The following DDX31 variants were observed in gnomAD, a reference collection of about 807,000 sequenced individuals.
The protein encoded by DDX31 is DEAD-box helicase 31.
In DDX31, 70 loss-of-function variants were observed where a neutral mutation model predicts 91.3. The ratio of observed to expected loss-of-function variants is 0.77; its 90% CI spans 0.63 to 0.94. The LOEUF is 0.94. Ranked by LOEUF, DDX31 falls within the 40% of genes least tolerant of loss-of-function variation. The pLI is 0.00. For synonymous variants in DDX31, 362 were observed against 350.6 expected (o/e 1.03, Z -0.36); for missense variants, 902 against 925.0 (o/e 0.98, Z 0.32).
chr9:132,652,995 C>T (rs1337237502), intron 6 of DDX31, among the ~76,000 whole-genome samples: 2 of 152,076 alleles, frequency 1.3e-5, no homozygotes, highest in African/African-American at 4.8e-5. Context: ...CACCCACTAA[C>T]CCCATTATTC....
chr9:132,649,338 A>G (rs1330322803), intron 9 of DDX31, among the ~76,000 whole-genome samples: 1 of 152,214 alleles, frequency 6.6e-6, no homozygotes, highest in Non-Finnish European at 1.5e-5. Flanking sequence ...CAATCACACA[A>G]GCACCTTCAG....
rs760753751 is a variant in DDX31 at position 132,595,722 on chromosome 9, C to G, written c.1995-610G>C. On this transcript the variant is annotated intron_variant, in intron 19 of 19. Coordinates refer to ENST00000372159, the MANE Select transcript of DDX31 (RefSeq NM_022779.9). This position sits in a 1 kb window ranked among gnomAD's most constrained non-coding sequence, Gnocchi z 4.6. ...ACCCAAACCCAGGGCACAGCCTGGT[C>G]AATGTCTGCATCTAGGATTAGACCA... Among the ~76,000 whole-genome samples, 1 of 152,204 alleles carries G rather than the reference C, an allele frequency of 6.6e-6. No homozygotes were observed. The highest frequency in any genetic ancestry group is 1.5e-5 in the Non-Finnish European group (1 of 68,036).
Position 132,648,232 on chromosome 9 carries a change from G to A in DDX31, c.924C>T (p.Cys308=), listed in dbSNP as rs756602444. 4.0e-5 allele frequency: 65 copies of A among 1,613,786 alleles called. 1 individual carries two copies. The highest frequency in any genetic ancestry group is 3.5e-4 in the South Asian group (32 of 91,036). Residue 308 remains cysteine, a synonymous_variant, in exon 11 of 20, where the codon TGC becomes TGT. Coordinates refer to ENST00000372159, the MANE Select transcript of DDX31 (RefSeq NM_022779.9). The part of the protein sequence containing the change: ...TVILNAVNAE[C]QKRQNVLLSA... Reference sequence around the variant, plus strand: ...ATAGCAAGACATTCTGTCGTTTTTGGCATTCAGCATTTACAGCATTAAGTA... The same window carrying A: ...ATAGCAAGACATTCTGTCGTTTTTGACATTCAGCATTTACAGCATTAAGTA...
At chr9:132,639,302 C>T (rs1833336554) in intron 14 of DDX31, among the ~76,000 whole-genome samples, 1 of 152,106 alleles carries the variant, frequency 6.6e-6, no homozygotes, top group South Asian at 2.1e-4. Flanking sequence ...TCTGGCCCAG[C>T]AACCGAGAGA....
intron 6 of DDX31, among the ~76,000 whole-genome samples, chr9:132,652,820 C>T (rs946495319): frequency 2.0e-5 from 3 of 152,144 alleles, no homozygotes; most frequent in Non-Finnish European, 2.9e-5. Context: ...TCTGCTTTTG[C>T]GTCTTCCTCA....
chr9:132,669,645 C>A (rs1564349018), intron 1 of DDX31: 9 of 1,531,094 alleles, frequency 5.9e-6, no homozygotes. Flanking sequence ...CCCTCCACAC[C>A]GCTCCACTCC....
chr9:132,664,716 C>CAA (rs10668095), intron 1 of DDX31, among the ~76,000 whole-genome samples: 19,807 of 97,054 alleles, frequency 0.2, 2,360 homozygotes, highest in South Asian at 0.28. Context: ...GACCCTCGCT[C>CAA]AAAAAAAAAA....
intron 17 of DDX31, among the ~76,000 whole-genome samples, chr9:132,623,402 G>A (rs1387776435): frequency 1.3e-5 from 2 of 150,766 alleles, no homozygotes; most frequent in South Asian, 2.1e-4. Flanking sequence ...CTAAAAATAC[G>A]AAAATTAGGT....
At chr9:132,601,083 A>C (rs888370048) in intron 19 of DDX31, among the ~76,000 whole-genome samples, 24 of 152,302 alleles carry the variant, frequency 1.6e-4, no homozygotes, top group African/African-American at 4.8e-4. Context: ...ACTGAGAAGG[A>C]CCAGCTTGAG....
rs115871123 is a variant in DDX31 at position 132,642,661 on chromosome 9, T to C, written c.1381-598A>G. Among the ~76,000 whole-genome samples the C allele has an allele frequency of 6.9e-3, 1,052 of 151,796 alleles. 12 individuals carry two copies. The highest frequency in any genetic ancestry group is 0.025 in the African/African-American group (1,016 of 41,416). ...CTTTCCAAAAAAAAAAAAGGCATCC[T>C]ACTATTTATACTATTAACATGCTCT... On this transcript the variant is annotated intron_variant, in intron 13 of 19. Coordinates refer to ENST00000372159, the MANE Select transcript of DDX31 (RefSeq NM_022779.9).
At chr9:132,665,557 C>G (rs943671381) in intron 1 of DDX31, among the ~76,000 whole-genome samples, 8 of 152,222 alleles carry the variant, frequency 5.3e-5, no homozygotes, top group African/African-American at 1.9e-4. Context: ...AGCCTCTGAG[C>G]AGAGAGGGAG....
intron 4 of DDX31, 21 bp from the exon 5 acceptor site, chr9:132,659,801 A>T (rs749411152): frequency 4.5e-5 from 72 of 1,610,210 alleles, no homozygotes; most frequent in Non-Finnish European, 5.9e-5. Flanking sequence ...CGAAAAAAAG[A>T]ACACACTTTA....
At chr9:132,657,396 G>A (rs572418861) in intron 6 of DDX31, among the ~76,000 whole-genome samples, 2 of 152,138 alleles carry the variant, frequency 1.3e-5, no homozygotes, top group East Asian at 1.9e-4. Context: ...GATAACTCAC[G>A]CCTGAAACAA....
At chr9:132,599,373 G>A (rs1400632139) in intron 19 of DDX31, among the ~76,000 whole-genome samples, 1 of 152,134 alleles carries the variant, frequency 6.6e-6, no homozygotes, top group African/African-American at 2.4e-5. Context: ...TCAAAACAAG[G>A]GGCAAGTTCC....
intron 1 of DDX31, chr9:132,663,522 A>C: frequency 1.0e-6 from 1 of 985,460 alleles, no homozygotes. Context: ...CCCTAGGAGA[A>C]GGAACATCCA....
chr9:132,625,754 G>A lies in DDX31; in HGVS notation c.1632-9C>T. 6.2e-7 allele frequency: 1 copy of A among 1,611,676 alleles called. No homozygotes were observed. Among genetic ancestry groups the A allele is most frequent in the East Asian group, 2.2e-5 (1 of 44,800 alleles). On this transcript the variant is annotated splice_polypyrimidine_tract_variant and intron_variant, in intron 16 of 19. Transcript: ENST00000372159. Reference sequence around the variant, plus strand: ...TCTTAATCTCAGAAACGCTGTAAAAGGAAGGGCACAGCAAGGTAACTTTTT... The same window carrying A: ...TCTTAATCTCAGAAACGCTGTAAAAAGAAGGGCACAGCAAGGTAACTTTTT...
chr9:132,655,711 G>T lies in DDX31; in HGVS notation c.588+2960C>A, dbSNP rs560280420. Among the ~76,000 whole-genome samples the T allele has an allele frequency of 1.6e-4, 25 of 152,144 alleles. 1 individual carries two copies. Among genetic ancestry groups the T allele is most frequent in the Admixed American group, 9.8e-4 (15 of 15,282 alleles). ...AAGAAACCAAAGTAATCCGAAAAAG[G>T]CCCCTAAGCCAATGGTGCCTTGCAC... is the stretch of plus-strand genomic sequence containing the variant. On this transcript the variant is annotated intron_variant, in intron 6 of 19. Transcript: ENST00000372159.
At chr9:132,612,059 G>A (rs749125486) in intron 19 of DDX31, 28 bp downstream of exon 19, 115 of 1,605,184 alleles carry the variant, frequency 7.2e-5, no homozygotes, top group Non-Finnish European at 9.5e-5. Context: ...CTCTAGCCCC[G>A]TCACGGGACG....
intron 15 of DDX31, among the ~76,000 whole-genome samples, chr9:132,631,552 A>G (rs1186563076): frequency 3.3e-5 from 5 of 152,232 alleles, no homozygotes; most frequent in Non-Finnish European, 5.9e-5. Flanking sequence ...TGAAAAGAAA[A>G]AACAAAACTA....
Sources: allele counts gnomAD v4.1 joint callset (sites outside exome capture counted in the v4.1 genomes callset), GRCh38; gene constraint gnomAD v4.1.1; non-coding constraint Gnocchi (gnomAD v3.1); transcripts MANE v1.5; gene names NCBI Gene and HGNC (gene_info 2026-07-23, HGNC 2026-07-21).